Variants in WWOX observed in about 807,000 individuals in gnomAD.
WWOX encodes WW domain containing oxidoreductase.
WWOX carries 69 observed loss-of-function variants against 46.2 expected under a neutral mutation model. The observed-to-expected ratio is 1.49, with a 90% CI of 1.23 to 1.82. WWOX has a LOEUF of 1.82. Among genes scored for constraint, WWOX ranks in the 40% most tolerant of loss-of-function variants. WWOX has a pLI of 0.00. For missense variants in WWOX, 919 were observed against 542.6 expected, an observed-to-expected ratio of 1.69 and a Z score of -6.89; for synonymous variants, 359 against 202.6, an observed-to-expected ratio of 1.77 and a Z score of -6.56.
At chr16:78,422,380 G>A (rs535190272) in intron 6 of WWOX, among the ~76,000 whole-genome samples, 51 of 151,800 alleles carry the variant, frequency 3.4e-4, no homozygotes, top group African/African-American at 1.2e-3. Context: ...TGGAAACAGA[G>A]TCTTGCTCTG....
At chr16:78,643,459 C>A (rs974138342) in intron 8 of WWOX, among the ~76,000 whole-genome samples, 4 of 152,124 alleles carry the variant, frequency 2.6e-5, no homozygotes, top group Non-Finnish European at 4.4e-5. Context: ...AGGTGTGCTA[C>A]CAAGTCACCC....
intron 8 of WWOX, among the ~76,000 whole-genome samples, chr16:78,968,541 G>C (rs565436444): frequency 6.6e-6 from 1 of 152,320 alleles, no homozygotes; most frequent in South Asian, 2.1e-4. Context: ...TATGATGACT[G>C]TTATAAGTTG....
At chr16:78,966,920 C>T (rs1341664616) in intron 8 of WWOX, among the ~76,000 whole-genome samples, 3 of 152,146 alleles carry the variant, frequency 2.0e-5, no homozygotes, top group East Asian at 1.9e-4. Flanking sequence ...AGATAAAAAG[C>T]GTCTGCGTTG....
intron 5 of WWOX, among the ~76,000 whole-genome samples, chr16:78,376,433 C>T (rs983131133): frequency 3.3e-5 from 5 of 152,142 alleles, no homozygotes; most frequent in East Asian, 1.9e-4. Flanking sequence ...TATCTTGGGG[C>T]AGTAGGACTT....
intron 8 of WWOX, among the ~76,000 whole-genome samples, chr16:78,953,407 C>G (rs1369549497): frequency 6.6e-6 from 1 of 152,154 alleles, no homozygotes; most frequent in Non-Finnish European, 1.5e-5. Context: ...ACACAAAATT[C>G]AAACCTAGTC....
At chr16:78,148,102 A>G (rs925243614) in intron 4 of WWOX, among the ~76,000 whole-genome samples, 5 of 152,202 alleles carry the variant, frequency 3.3e-5, no homozygotes, top group African/African-American at 1.2e-4. Flanking sequence ...CAGTAATAGA[A>G]TATAGTGTGC....
chr16:78,825,413 C>T (rs890350802), intron 8 of WWOX: 2 of 327,388 alleles, frequency 6.1e-6, no homozygotes, highest in South Asian at 3.1e-5. Context: ...ACACCCATCA[C>T]GACAGTAACA....
intron 8 of WWOX, among the ~76,000 whole-genome samples, chr16:78,475,145 A>G (rs1265142147): frequency 6.6e-6 from 1 of 152,200 alleles, no homozygotes; most frequent in Non-Finnish European, 1.5e-5. Flanking sequence ...CTGTAGGGAC[A>G]TGCAAAACAA....
chr16:79,082,355 G>C (rs2048776114), intron 8 of WWOX, among the ~76,000 whole-genome samples: 1 of 152,126 alleles, frequency 6.6e-6, no homozygotes, highest in South Asian at 2.1e-4. Flanking sequence ...CATCTCCTTT[G>C]TAAGACACAG....
At chr16:78,538,353 A>G (rs1208931527) in intron 8 of WWOX, among the ~76,000 whole-genome samples, 1 of 151,936 alleles carries the variant, frequency 6.6e-6, no homozygotes, top group East Asian at 1.9e-4. Flanking sequence ...AGCGCTCTAT[A>G]CATTGACGTT....
At chr16:78,383,072 C>G (rs551233739) in intron 5 of WWOX, among the ~76,000 whole-genome samples, 1 of 150,402 alleles carries the variant, frequency 6.6e-6, no homozygotes, top group Non-Finnish European at 1.5e-5. Context: ...TACTGGATCA[C>G]GAGACAGCAC....
intron 5 of WWOX, among the ~76,000 whole-genome samples, chr16:78,360,111 A>C (rs1361461148): frequency 6.6e-6 from 1 of 152,212 alleles, no homozygotes; most frequent in Non-Finnish European, 1.5e-5. Flanking sequence ...ACACATTAAA[A>C]ACAACGACAA....
At chr16:78,403,418 A>T (rs1018756868) in intron 6 of WWOX, among the ~76,000 whole-genome samples, 3 of 152,258 alleles carry the variant, frequency 2.0e-5, no homozygotes, top group African/African-American at 7.2e-5. Flanking sequence ...TTATGCATCC[A>T]TGATACTGCA....
intron 8 of WWOX, among the ~76,000 whole-genome samples, chr16:78,615,268 T>A (rs928303313): frequency 6.6e-6 from 1 of 152,176 alleles, no homozygotes; most frequent in Non-Finnish European, 1.5e-5. Flanking sequence ...AGTTTCAGGC[T>A]CTGCTACAGA....
chr16:78,532,861 G>A (rs553536927), intron 8 of WWOX, among the ~76,000 whole-genome samples: 2 of 152,266 alleles, frequency 1.3e-5, no homozygotes, highest in South Asian at 2.1e-4. Flanking sequence ...TTCAAGAAGA[G>A]ATTTGGGTGG....
At chr16:78,934,508 C>CAAAA (rs760272326) in intron 8 of WWOX, among the ~76,000 whole-genome samples, 11 of 73,890 alleles carry the variant, frequency 1.5e-4, no homozygotes, top group East Asian at 4.9e-4. Context: ...AACCCTGTAT[C>CAAAA]AAAAAAAAAA....
chr16:78,462,242 C>CTT (rs113100708), intron 8 of WWOX, among the ~76,000 whole-genome samples: 5,129 of 147,058 alleles, frequency 0.035, 299 homozygotes, highest in African/African-American at 0.12. Context: ...TGCTCACGCT[C>CTT]TTTTTTTTTT....
At chr16:78,334,355 A>T (rs1273752803) in intron 5 of WWOX, among the ~76,000 whole-genome samples, 1 of 152,202 alleles carries the variant, frequency 6.6e-6, no homozygotes, top group Non-Finnish European at 1.5e-5. Flanking sequence ...AAGTCCCCAA[A>T]GTCGATTTTC....
At chr16:78,260,665 C>G (rs949402114) in intron 5 of WWOX, among the ~76,000 whole-genome samples, 1 of 147,716 alleles carries the variant, frequency 6.8e-6, no homozygotes, top group Admixed American at 6.7e-5. Context: ...TATACTCCAT[C>G]TAAAAAAAAA....
Sources: gnomAD v4.1 joint callset for allele counts (sites outside exome capture counted in the v4.1 genomes callset) on GRCh38, gnomAD v4.1.1 for gene constraint, MANE v1.5 for transcripts, NCBI Gene and HGNC (gene_info 2026-07-23, HGNC 2026-07-21) for gene names.